ZCCHC14: variants seen among roughly 807,000 people sequenced by gnomAD.
ZCCHC14 encodes zinc finger CCHC domain-containing protein 14.
In ZCCHC14, 16 loss-of-function variants were observed where a neutral mutation model predicts 85.0. That is an observed-to-expected ratio of 0.19 (90% CI 0.13 to 0.29). ZCCHC14 has a LOEUF of 0.29. ZCCHC14 is among the 10% of genes least tolerant of loss of function. The probability of loss-of-function intolerance (pLI) is 1.00; values close to 1 mark genes in which losing one functional copy is unlikely to be tolerated. For missense variants in ZCCHC14, 1,303 were observed against 1,443.5 expected (o/e 0.90, Z 1.58); for synonymous variants, 775 against 630.7 (o/e 1.23, Z -3.43).
Position 87,424,781 on chromosome 16 carries a change from G to C in ZCCHC14, c.769-900C>G, listed in dbSNP as rs183848772. ...AAGGCAAATAAGAAGTTAGCTACAGGATTGAGATGGACAGAGGGGATGGCC... is the reference window on the plus strand; with the variant it reads ...AAGGCAAATAAGAAGTTAGCTACAGCATTGAGATGGACAGAGGGGATGGCC... On this transcript the variant is annotated intron_variant, in intron 3 of 12. Coordinates refer to ENST00000671377, the MANE Select transcript of ZCCHC14 (RefSeq NM_015144.3). 2.9e-3 allele frequency among the ~76,000 whole-genome samples: 436 copies of C among 152,290 alleles called. 2 individuals are homozygous for C. Among genetic ancestry groups the C allele is most frequent in the African/African-American group, 9.6e-3 (397 of 41,562 alleles).
In ZCCHC14 at chr16:87,467,246, C is replaced by T. The variant is rs1911566737; in HGVS notation, c.571-7115G>A. The T allele has an allele frequency of 3.2e-6, 5 of 1,566,694 alleles. No homozygotes were observed. In the Admixed American group the frequency reaches 8.4e-5, roughly 26 times the overall value. On this transcript the variant is annotated intron_variant, in intron 1 of 12. Transcript: ENST00000671377. ...TGAGGACTGCAAGCCTCTCGTTTTA[C>T]CGGACACTAAACCCAAAATTAAGGA...
At chr16:87,434,688 T>C (rs898978076) in intron 2 of ZCCHC14, among the ~76,000 whole-genome samples, 5 of 152,230 alleles carry the variant, frequency 3.3e-5, no homozygotes, top group South Asian at 2.1e-4. Flanking sequence ...AAAAACCGTA[T>C]GGCCAAAAAG....
rs1908362527 is a variant in ZCCHC14 at position 87,410,005 on chromosome 16, G to A, written c.*275C>T. 1 of 300,078 alleles carries A rather than the reference G, an allele frequency of 3.3e-6. No individual in the cohort carries two copies. Among genetic ancestry groups the A allele is most frequent in the Admixed American group, 5.3e-5 (1 of 18,914 alleles). The allele number at this position is 300,078 out of a possible 1,614,324, so 18.6% of individuals were successfully genotyped here. ...ATGGCAATGCTCTTCGGGAGACATG[G>A]CGTCTCTGCACTGCAACCAAAAGTG... On this transcript the variant is annotated 3_prime_UTR_variant, in exon 13 of 13. Coordinates refer to ENST00000671377, the MANE Select transcript of ZCCHC14 (RefSeq NM_015144.3).
At chr16:87,475,649 G>A (rs1344573592) in intron 1 of ZCCHC14, among the ~76,000 whole-genome samples, 1 of 151,802 alleles carries the variant, frequency 6.6e-6, no homozygotes, top group Non-Finnish European at 1.5e-5. Flanking sequence ...CAGCAGACTG[G>A]AGGTAACAGA....
In ZCCHC14 at chr16:87,491,307, G is replaced by A. The variant is rs1297343314; in HGVS notation, c.570+362C>T. The stretch of plus-strand genomic sequence containing the variant: ...TTTGGGGCACGCAGAGGGGACTGAG[G>A]GTGTGGGCTCAGGGCCGCGGTGCGG... On this transcript the variant is annotated intron_variant, in intron 1 of 12. Coordinates refer to ENST00000671377, the MANE Select transcript of ZCCHC14 (RefSeq NM_015144.3). This position sits in a 1 kb window ranked among gnomAD's most constrained non-coding sequence, Gnocchi z 5.9. 6.6e-6 allele frequency among the ~76,000 whole-genome samples: 1 copy of A among 152,254 alleles called. No homozygotes were observed. Among genetic ancestry groups the A allele is most frequent in the Admixed American group, 6.5e-5 (1 of 15,286 alleles).
intron 1 of ZCCHC14, among the ~76,000 whole-genome samples, chr16:87,481,946 G>A (rs1436250115): frequency 6.6e-6 from 1 of 152,190 alleles, no homozygotes; most frequent in Non-Finnish European, 1.5e-5. Flanking sequence ...ATCCCATGGT[G>A]GAAGGCAGAA....
At chr16:87,411,441 T>C (rs938070439) in intron 12 of ZCCHC14, 75 bp downstream of exon 12, 6 of 1,559,674 alleles carry the variant, frequency 3.8e-6, no homozygotes, top group Non-Finnish European at 5.2e-6. Context: ...AGAAGTTTAC[T>C]CTTCATAAAA....
At chr16:87,415,988 G>A (rs940611193) in intron 8 of ZCCHC14, among the ~76,000 whole-genome samples, 1 of 152,070 alleles carries the variant, frequency 6.6e-6, no homozygotes, top group African/African-American at 2.4e-5. Context: ...GTGCAGTGGT[G>A]CGATCTCGGC....
intron 2 of ZCCHC14, among the ~76,000 whole-genome samples, chr16:87,434,668 G>A (rs927337303): frequency 6.6e-6 from 1 of 152,290 alleles, no homozygotes; most frequent in South Asian, 2.1e-4. Flanking sequence ...ACAAGGTCAC[G>A]GCCACCTCAA....
intron 10 of ZCCHC14, among the ~76,000 whole-genome samples, chr16:87,414,060 G>C (rs1908632204): frequency 6.6e-6 from 1 of 152,250 alleles, no homozygotes. Flanking sequence ...GAAATCTAAT[G>C]ATCAAACAGA....
intron 1 of ZCCHC14, among the ~76,000 whole-genome samples, chr16:87,485,120 G>T (rs890117960): frequency 6.6e-6 from 1 of 152,200 alleles, no homozygotes; most frequent in African/African-American, 2.4e-5. Context: ...GGGGTCCACA[G>T]TGCCCCTCTC....
At chr16:87,422,932 G>A (rs190010611) in intron 4 of ZCCHC14, among the ~76,000 whole-genome samples, 13 of 152,214 alleles carry the variant, frequency 8.5e-5, no homozygotes, top group African/African-American at 3.1e-4. Context: ...TACCCTCGAA[G>A]GCGTGGCACT....
intron 2 of ZCCHC14, among the ~76,000 whole-genome samples, chr16:87,437,438 G>T (rs762374999): frequency 6.6e-6 from 1 of 151,772 alleles, no homozygotes; most frequent in South Asian, 2.1e-4. Flanking sequence ...ATCCGCGCTG[G>T]CCAGAAAGCC....
intron 2 of ZCCHC14, among the ~76,000 whole-genome samples, chr16:87,458,259 T>A (rs1597436697): frequency 6.6e-6 from 1 of 152,142 alleles, no homozygotes; most frequent in Admixed American, 6.5e-5. Context: ...GCCTTTCTCC[T>A]GGGATGGCAT....
intron 2 of ZCCHC14, among the ~76,000 whole-genome samples, chr16:87,441,919 G>A (rs564052962): frequency 1.3e-5 from 2 of 152,318 alleles, no homozygotes; most frequent in East Asian, 1.9e-4. Flanking sequence ...TGGGGGCTGC[G>A]ATTCCAGGTG....
intron 1 of ZCCHC14, among the ~76,000 whole-genome samples, chr16:87,464,483 G>C (rs967928382): frequency 6.6e-5 from 10 of 152,148 alleles, no homozygotes; most frequent in African/African-American, 2.4e-4. Flanking sequence ...AGAGAAAACA[G>C]GAAGTCTTTT....
At chr16:87,429,931 G>C (rs1909566004) in intron 3 of ZCCHC14, among the ~76,000 whole-genome samples, 1 of 152,196 alleles carries the variant, frequency 6.6e-6, no homozygotes, top group Admixed American at 6.5e-5. Context: ...TTAAAAAAAA[G>C]TTTTGAGAAT....
At chr16:87,463,431 T>G (rs372159953) in intron 1 of ZCCHC14, among the ~76,000 whole-genome samples, 4 of 152,222 alleles carry the variant, frequency 2.6e-5, no homozygotes, top group Non-Finnish European at 4.4e-5. Context: ...TTTGGCCTGA[T>G]GCATGAACCT....
intron 2 of ZCCHC14, among the ~76,000 whole-genome samples, chr16:87,449,845 G>A (rs572331657): frequency 6.6e-6 from 1 of 152,256 alleles, no homozygotes; most frequent in African/African-American, 2.4e-5. Flanking sequence ...AGGAGTTCAA[G>A]ACCAGCCTGG....
Sources: gnomAD v4.1 joint callset for allele counts (sites outside exome capture counted in the v4.1 genomes callset) on GRCh38, gnomAD v4.1.1 for gene constraint, Gnocchi (gnomAD v3.1) non-coding constraint, MANE v1.5 for transcripts, NCBI Gene and HGNC (gene_info 2026-07-23, HGNC 2026-07-21) for gene names.